Variants in RPS6KA6 observed in about 807,000 individuals in gnomAD.
RPS6KA6 encodes ribosomal protein S6 kinase A6.
RPS6KA6 carries 27 observed loss-of-function variants against 65.4 expected under a neutral mutation model. That is an observed-to-expected ratio of 0.41 (90% CI 0.30 to 0.57). The LOEUF (loss-of-function observed/expected upper bound fraction) is 0.57. Ranked by LOEUF, RPS6KA6 falls within the 20% of genes least tolerant of loss-of-function variation. The probability of loss-of-function intolerance (pLI) is 0.24; values close to 1 mark genes in which losing one functional copy is unlikely to be tolerated. For synonymous variants in RPS6KA6, 190 were observed against 184.2 expected, an observed-to-expected ratio of 1.03 and a Z score of -0.26; for missense variants, 486 against 555.6, an observed-to-expected ratio of 0.87 and a Z score of 1.26.
In RPS6KA6 at chrX:84,104,639, A is replaced by G. The variant is rs1569386393; in HGVS notation, c.1474T>C (p.Tyr492His). Residue 492 changes from tyrosine (Y) to histidine (H), a missense_variant, in exon 17 of 22, where the codon TAT (tyrosine) becomes CAT (histidine). By Grantham distance (83) the Tyr-to-His change is moderately conservative. Around this residue, in one of 3 missense-constraint regions of RPS6KA6, gnomAD observed 345 missense variants for 375.0 expected, o/e 0.92. Transcript: ENST00000262752. ...TLKDVFDDGR[Y>H]VYLVTDLMKG... ...ATTAAATCCGTAACAAGGTAAACAT[A>G]TCTACCATCATCAAAGACCTACAAA... 8.8e-7 allele frequency: 1 copy of G among 1,133,616 alleles called. No homozygotes were observed. The highest frequency in any genetic ancestry group is 3.1e-5 in the East Asian group (1 of 32,124). 93.4% of individuals were successfully genotyped at this position (1,133,616 alleles called of 1,213,427 possible).
At chrX:84,148,462 TTTAA>T (rs1260866831) in intron 3 of RPS6KA6, among the ~76,000 whole-genome samples, 1 of 111,483 alleles carries the variant, frequency 9.0e-6, no homozygotes, top group Non-Finnish European at 1.9e-5. Flanking sequence ...TTTTCTTAGA[TTTAA>T]TTTAGTTTTT....
chrX:84,116,418 C>T (rs746261431), intron 11 of RPS6KA6, 131 bp from the exon 12 acceptor site: 1 of 345,797 alleles, frequency 2.9e-6, no homozygotes, highest in South Asian at 7.6e-5. Flanking sequence ...TACATGATTT[C>T]TTATCTGGCA....
In RPS6KA6 at chrX:84,063,035, G is replaced by A. The variant is rs943629789; in HGVS notation, c.*1242C>T. The stretch of plus-strand genomic sequence containing the variant: ...TGATTCTTTAGCATTTCATCATTTA[G>A]AGAAAAGAATACATACTACACAGTG... On this transcript the variant is annotated 3_prime_UTR_variant, in exon 22 of 22. Coordinates refer to ENST00000262752, the MANE Select transcript of RPS6KA6 (RefSeq NM_014496.5). 9.0e-6 allele frequency: 1 copy of A among 110,630 alleles called. No homozygotes were observed. Among genetic ancestry groups the A allele is most frequent in the African/African-American group, 3.3e-5 (1 of 30,489 alleles). 9.1% of individuals were successfully genotyped at this position (110,630 alleles called of 1,213,427 possible).
At chrX:84,096,967 G>C (rs2034168963) in intron 19 of RPS6KA6, among the ~76,000 whole-genome samples, 1 of 111,273 alleles carries the variant, frequency 9.0e-6, no homozygotes, top group Non-Finnish European at 1.9e-5. Context: ...CTAAAAGTAT[G>C]TGAAATGTAC....
intron 1 of RPS6KA6, among the ~76,000 whole-genome samples, chrX:84,181,290 G>C (rs2035849916): frequency 9.0e-6 from 1 of 111,520 alleles, no homozygotes; most frequent in Admixed American, 9.5e-5. Flanking sequence ...AGTAAAATGG[G>C]TGAACAAGTT....
At chrX:84,064,834 T>A (rs781127325) in intron 21 of RPS6KA6, 137 bp downstream of exon 21, 2 of 464,047 alleles carry the variant, frequency 4.3e-6, no homozygotes, top group African/African-American at 4.9e-5. Flanking sequence ...AAGTACATGG[T>A]TGTTAATTTA....
chrX:84,095,501 TA>T (rs1198704025), intron 20 of RPS6KA6, among the ~76,000 whole-genome samples: 1 of 111,913 alleles, frequency 8.9e-6, no homozygotes, highest in Non-Finnish European at 1.9e-5. Flanking sequence ...ATGTGGCTAT[TA>T]AGTATTAAAA....
intron 20 of RPS6KA6, among the ~76,000 whole-genome samples, chrX:84,092,660 C>A (rs2034071485): frequency 2.7e-5 from 3 of 110,026 alleles, no homozygotes; most frequent in African/African-American, 1.0e-4. Context: ...TCACTCCAAT[C>A]AGAGTGGCTA....
chrX:84,128,046 T>A (rs2034827647), intron 8 of RPS6KA6, among the ~76,000 whole-genome samples: 1 of 111,348 alleles, frequency 9.0e-6, no homozygotes, highest in East Asian at 2.8e-4. Context: ...TTTTTACTGA[T>A]GGTATTATCT....
intron 1 of RPS6KA6, among the ~76,000 whole-genome samples, chrX:84,176,258 C>T (rs2035766716): frequency 8.9e-6 from 1 of 112,040 alleles, no homozygotes; most frequent in East Asian, 2.8e-4. Flanking sequence ...AATGCAAAGG[C>T]ACTGGCTGTC....
At chrX:84,065,819 G>A (rs1486388008) in intron 20 of RPS6KA6, among the ~76,000 whole-genome samples, 2 of 111,918 alleles carry the variant, frequency 1.8e-5, no homozygotes, top group African/African-American at 6.5e-5. Context: ...AGCATTTTCG[G>A]AGAATCTGGC....
intron 2 of RPS6KA6, among the ~76,000 whole-genome samples, chrX:84,161,779 C>G (rs779080761): frequency 4.5e-5 from 5 of 111,994 alleles, no homozygotes; most frequent in Non-Finnish European, 7.5e-5. Flanking sequence ...TTTCAGTTCA[C>G]TATGACATTT....
Position 84,143,237 on chromosome X carries a change from G to A in RPS6KA6, c.501+2241C>T, listed in dbSNP as rs185999105. On this transcript the variant is annotated intron_variant, in intron 6 of 21. Transcript: ENST00000262752. The stretch of plus-strand genomic sequence containing the variant: ...TATAATCTCAATAAATGAAGAAAAA[G>A]CATTTGAATAAATCTGAAATTGATT... 5.7e-3 allele frequency among the ~76,000 whole-genome samples: 636 copies of A among 110,887 alleles called. 14 individuals carry two copies. The highest frequency in any genetic ancestry group is 0.037 in the Admixed American group (386 of 10,391).
chrX:84,129,166 A>G (rs1323427888), intron 8 of RPS6KA6, among the ~76,000 whole-genome samples: 1 of 111,812 alleles, frequency 8.9e-6, no homozygotes, highest in East Asian at 2.8e-4. Flanking sequence ...CTAATAATCC[A>G]ATTAAAAAAT....
At chrX:84,167,279 C>T (rs2035612185) in intron 1 of RPS6KA6, among the ~76,000 whole-genome samples, 1 of 111,945 alleles carries the variant, frequency 8.9e-6, no homozygotes, top group Non-Finnish European at 1.9e-5. Flanking sequence ...CTTTATTTAT[C>T]ATTGTCATAA....
intron 6 of RPS6KA6, among the ~76,000 whole-genome samples, chrX:84,138,535 G>C (rs1470805406): frequency 1.8e-5 from 2 of 112,123 alleles, no homozygotes; most frequent in Non-Finnish European, 3.8e-5. Context: ...CCTGGGGACA[G>C]AGCAAGACCC....
At chrX:84,080,836 C>G (rs2033780711) in intron 20 of RPS6KA6, among the ~76,000 whole-genome samples, 1 of 111,292 alleles carries the variant, frequency 9.0e-6, no homozygotes, top group Non-Finnish European at 1.9e-5. Context: ...CTCAAAACCA[C>G]ACAACTACAT....
rs1196949461 is a variant in RPS6KA6, at chrX:84,148,134, A to G, written c.259-11T>C. ...TCTAACAAGAAAAACCTAATAGAAA[A>G]TTGAACAAAAAAAAAAAGGAAAATT... is the stretch of plus-strand genomic sequence containing the variant. On this transcript the variant is annotated splice_polypyrimidine_tract_variant and intron_variant, in intron 3 of 21. Coordinates refer to ENST00000262752, the MANE Select transcript of RPS6KA6 (RefSeq NM_014496.5). 2 of 1,088,074 alleles carry G rather than the reference A, an allele frequency of 1.8e-6. No individual in the cohort carries two copies. Among genetic ancestry groups the G allele is most frequent in the African/African-American group, 3.8e-5 (2 of 53,124 alleles). The allele number at this position is 1,088,074 out of a possible 1,213,427, so 89.7% of individuals were successfully genotyped here.
intron 2 of RPS6KA6, among the ~76,000 whole-genome samples, chrX:84,163,323 C>A (rs966944559): frequency 8.9e-6 from 1 of 111,832 alleles, no homozygotes; most frequent in African/African-American, 3.3e-5. Flanking sequence ...CATAATATCT[C>A]TGAGGTTCTT....
Sources: allele counts gnomAD v4.1 joint callset (sites outside exome capture counted in the v4.1 genomes callset), GRCh38; gene constraint gnomAD v4.1.1; regional missense constraint gnomAD v4.1.1; transcripts MANE v1.5; gene names NCBI Gene and HGNC (gene_info 2026-07-23, HGNC 2026-07-21).